The following PBX4 variants were observed in gnomAD, a reference collection of about 807,000 sequenced individuals.
PBX4 encodes PBX homeobox 4.
In PBX4, 26 loss-of-function variants were observed where a neutral mutation model predicts 35.1. The ratio of observed to expected loss-of-function variants is 0.74; its 90% CI spans 0.54 to 1.03. The LOEUF (loss-of-function observed/expected upper bound fraction) is 1.03, where lower values mean the gene tolerates loss of function less well. Ranked by LOEUF, PBX4 falls within the 50% of genes least tolerant of loss-of-function variation. PBX4 has a pLI of 0.00. For synonymous variants in PBX4, 199 were observed against 204.2 expected (o/e 0.97, Z 0.22); for missense variants, 448 against 504.3 (o/e 0.89, Z 1.07).
At chr19:19,597,971 C>G (rs1010880763) in intron 2 of PBX4, among the ~76,000 whole-genome samples, 22 of 152,156 alleles carry the variant, frequency 1.4e-4, no homozygotes, top group African/African-American at 5.3e-4. Context: ...ACAAACCGCA[C>G]TGAGGGATGT....
chr19:19,608,894 C>A (rs2061646671), intron 1 of PBX4, among the ~76,000 whole-genome samples: 2 of 152,208 alleles, frequency 1.3e-5, no homozygotes, highest in Non-Finnish European at 2.9e-5. Context: ...TGTCACCGCA[C>A]TCTCCAATGT....
chr19:19,586,007 T>A (rs2061486757), intron 2 of PBX4, among the ~76,000 whole-genome samples: 1 of 152,216 alleles, frequency 6.6e-6, no homozygotes, highest in South Asian at 2.1e-4. Context: ...CAATCAAATA[T>A]GCAAATTAAT....
chr19:19,595,752 G>C (rs570852387), intron 2 of PBX4, among the ~76,000 whole-genome samples: 2 of 148,790 alleles, frequency 1.3e-5, no homozygotes, highest in African/African-American at 2.5e-5. Context: ...CTGCTGGGGG[G>C]TGGGGACAAG....
At chr19:19,573,122 A>G (rs1017395049) in intron 2 of PBX4, among the ~76,000 whole-genome samples, 1 of 151,896 alleles carries the variant, frequency 6.6e-6, no homozygotes, top group African/African-American at 2.4e-5. Flanking sequence ...CCTGACTAAC[A>G]CAGAGAAACC....
intron 1 of PBX4, among the ~76,000 whole-genome samples, chr19:19,609,997 ATGAG>A (rs1343085510): frequency 6.6e-6 from 1 of 152,360 alleles, no homozygotes; most frequent in South Asian, 2.1e-4. Flanking sequence ...TGTCATTTAA[ATGAG>A]TGAGTGGTAC....
intron 2 of PBX4, among the ~76,000 whole-genome samples, chr19:19,587,713 A>G (rs1394327692): frequency 1.3e-5 from 2 of 150,338 alleles, no homozygotes; most frequent in African/African-American, 4.9e-5. Flanking sequence ...CATGTTTTCC[A>G]CTGAGCGTAG....
chr19:19,588,055 G>A, intron 2 of PBX4: 3 of 667,772 alleles, frequency 4.5e-6, no homozygotes, highest in Non-Finnish European at 5.4e-6. Context: ...GCAGCTTGAT[G>A]TGGGGCGGTG....
intron 2 of PBX4, among the ~76,000 whole-genome samples, chr19:19,596,435 T>A (rs1459120019): frequency 6.6e-6 from 1 of 151,980 alleles, no homozygotes; most frequent in African/African-American, 2.4e-5. Flanking sequence ...TTTTAATATA[T>A]AAAAACATAG....
intron 1 of PBX4, among the ~76,000 whole-genome samples, chr19:19,617,932 G>A (rs2061696571): frequency 1.3e-5 from 2 of 152,084 alleles, no homozygotes; most frequent in South Asian, 4.1e-4. Context: ...TAGGGAGGCC[G>A]AGACGGAATG....
At chr19:19,578,824 G>A (rs34324119) in intron 2 of PBX4, among the ~76,000 whole-genome samples, 31,013 of 152,146 alleles carry the variant, frequency 0.2, 3,825 homozygotes, top group East Asian at 0.32. Context: ...TTAGGAGGCA[G>A]TTAAGGTTAA....
chr19:19,584,814 T>TG (rs2061478878), intron 2 of PBX4, among the ~76,000 whole-genome samples: 1 of 151,666 alleles, frequency 6.6e-6, no homozygotes, highest in Non-Finnish European at 1.5e-5. Context: ...TTAGTAGAGA[T>TG]GGGGTTTCAC....
Position 19,575,300 on chromosome 19 carries a change from C to T in PBX4, c.194-4467G>A, listed in dbSNP as rs1210990578. Among the ~76,000 whole-genome samples, 7 of 147,110 alleles carry T rather than the reference C, an allele frequency of 4.8e-5. 1 individual carries two copies. Among genetic ancestry groups the T allele is most frequent in the Non-Finnish European group, 1.5e-5 (1 of 66,938 alleles). ...TCCTCCCACTGCCAGCACCCATGAG[C>T]GAGGACAGCCCACTTGGAATGATGC... is the stretch of plus-strand genomic sequence containing the variant. On this transcript the variant is annotated intron_variant, in intron 2 of 7. Transcript: ENST00000251203.
chr19:19,571,248 G>A (rs2144715203), intron 2 of PBX4, among the ~76,000 whole-genome samples: 1 of 152,334 alleles, frequency 6.6e-6, no homozygotes, highest in East Asian at 1.9e-4. Context: ...GCTGGCATTG[G>A]CAGCGTGGCT....
At chr19:19,590,470 CTT>C (rs552985140) in intron 2 of PBX4, among the ~76,000 whole-genome samples, 29 of 139,896 alleles carry the variant, frequency 2.1e-4, no homozygotes, top group Admixed American at 3.6e-4. Flanking sequence ...TGTTTTCTTT[CTT>C]TTTTTTTTTT....
chr19:19,607,398 C>T (rs1420194883), intron 1 of PBX4, among the ~76,000 whole-genome samples: 1 of 150,816 alleles, frequency 6.6e-6, no homozygotes, highest in Non-Finnish European at 1.5e-5. Context: ...GAGAAAAATT[C>T]GAAAAAAAGG....
intron 1 of PBX4, among the ~76,000 whole-genome samples, chr19:19,618,233 C>T (rs1285622328): frequency 1.3e-5 from 2 of 152,138 alleles, no homozygotes; most frequent in Admixed American, 1.3e-4. Flanking sequence ...CGTCAAAAGT[C>T]CCGTACGTGC....
At chr19:19,602,312 C>T (rs1433370981) in intron 1 of PBX4, among the ~76,000 whole-genome samples, 2 of 152,008 alleles carry the variant, frequency 1.3e-5, no homozygotes, top group Non-Finnish European at 2.9e-5. Flanking sequence ...GGTGACTCAG[C>T]GGAGAGGGAA....
chr19:19,587,523 G>A (rs1020091806), intron 2 of PBX4, among the ~76,000 whole-genome samples: 1 of 149,836 alleles, frequency 6.7e-6, no homozygotes, highest in Non-Finnish European at 1.5e-5. Flanking sequence ...GGGAGGCAGA[G>A]GTTGTGGTGA....
chr19:19,600,568 C>T (rs2144773103), intron 1 of PBX4, among the ~76,000 whole-genome samples: 1 of 151,870 alleles, frequency 6.6e-6, no homozygotes, highest in African/African-American at 2.4e-5. Flanking sequence ...CCTGTAATCC[C>T]AGCACTTTGG....
Sources: gnomAD v4.1 joint callset for allele counts (sites outside exome capture counted in the v4.1 genomes callset) on GRCh38, gnomAD v4.1.1 for gene constraint, MANE v1.5 for transcripts, NCBI Gene and HGNC (gene_info 2026-07-23, HGNC 2026-07-21) for gene names.